Variants in DCHS2 observed in about 807,000 individuals in gnomAD.
DCHS2 encodes the protein dachsous cadherin-related 2, also known as protocadherin-23.
A neutral mutation model predicts 182.4 loss-of-function variants in DCHS2; 142 were observed. That is an observed-to-expected ratio of 0.78 (90% CI 0.68 to 0.89). The LOEUF (loss-of-function observed/expected upper bound fraction) is 0.89. Among genes scored for constraint, DCHS2 ranks in the 40% least tolerant of loss-of-function variants. The probability of loss-of-function intolerance (pLI) is 0.00; values close to 1 mark genes in which losing one functional copy is unlikely to be tolerated. For missense variants in DCHS2, 4,319 were observed against 4,198.6 expected (o/e 1.03, Z -0.79); for synonymous variants, 1,740 against 1,663.3 (o/e 1.05, Z -1.12).
At position 154,235,270 on chromosome 4, in the gene DCHS2, A is replaced by G. The variant is rs2111079646; in HGVS notation, c.9382T>C (p.Ser3128Pro). The change falls in exon 20 of 20, where the codon TCC becomes CCC. Residue 3128 changes from serine (S) to proline (P), a missense_variant. Physicochemically the swap from Ser to Pro is moderately conservative, Grantham distance 74 (BLOSUM62 -1). Coordinates refer to ENST00000357232, the MANE Select transcript of DCHS2 (RefSeq NM_001358235.2). ...CSDSALSDHE[S>P]RVPDSGIPRD... is the part of the protein sequence containing the mutation. ...GGGATACCCGAGTCTGGCACCCTGG[A>G]CTCGTGGTCACTCAGAGCTGAGTCT... The G allele has an allele frequency of 6.2e-7, 1 of 1,613,876 alleles. No homozygotes were observed. The highest frequency in any genetic ancestry group is 2.2e-5 in the East Asian group (1 of 44,846).
chr4:154,282,813 G>A (rs1452951001), intron 13 of DCHS2, among the ~76,000 whole-genome samples: 12 of 152,134 alleles, frequency 7.9e-5, no homozygotes, highest in African/African-American at 2.2e-4. Flanking sequence ...TAGCCAAAAC[G>A]TAGTATATAC....
At chr4:154,426,012 CT>C (rs1733309687) in intron 1 of DCHS2, among the ~76,000 whole-genome samples, 1 of 152,212 alleles carries the variant, frequency 6.6e-6, no homozygotes, top group Non-Finnish European at 1.5e-5. Context: ...TCGCCCTCCC[CT>C]GCCCTATTTT....
rs1734285929 is a variant in DCHS2, at chr4:154,446,390, G to A, written c.2052+42914C>T. ...AAGAGAAAGTCTTGCTTTACATAGA[G>A]TGAAGAAGGTAAAGCCTAGAGTCTG... On this transcript the variant is annotated intron_variant, in intron 1 of 19. Transcript: ENST00000357232. Among the ~76,000 whole-genome samples the A allele has an allele frequency of 2.0e-5, 3 of 152,222 alleles. No individual in the cohort carries two copies. The South Asian group carries it at 6.2e-4, about 31-fold the overall frequency.
Position 154,377,412 on chromosome 4 carries a change from A to G in DCHS2, c.2085T>C (p.Tyr695=). ...VTASDADSGL[Y]GFIEYSLYDG... The stretch of plus-strand genomic sequence containing the variant: ...CATAAAGAGAATATTCAATAAAGCC[A>G]TAGAGTCCTGAATCTGCATCAGAGG... The change falls in exon 2 of 20, where the codon TAT becomes TAC. Residue 695 remains tyrosine, a synonymous_variant. Coordinates refer to ENST00000357232, the MANE Select transcript of DCHS2 (RefSeq NM_001358235.2). 1 of 1,613,358 alleles carries G rather than the reference A, an allele frequency of 6.2e-7. No homozygotes were observed. The highest frequency in any genetic ancestry group is 8.5e-7 in the Non-Finnish European group (1 of 1,179,556).
rs571865251 is a variant in DCHS2 at position 154,321,004 on chromosome 4, C to A, written c.4395G>T (p.Lys1465Asn). ...DSSTGDLFLS[K>N]ELDYETTSHY... Reference sequence around the variant, plus strand: ...GAGATGTCGTCTCATAATCAAGTTCCTTAGAAAGAAACAAGTCTCCGGTTG... The same window carrying A: ...GAGATGTCGTCTCATAATCAAGTTCATTAGAAAGAAACAAGTCTCCGGTTG... The change falls in exon 9 of 20, where the codon AAG becomes AAT. Residue 1465 changes from lysine to asparagine, a missense_variant. Lys to Asn is a moderately conservative substitution (Grantham distance 94). Coordinates refer to ENST00000357232, the MANE Select transcript of DCHS2 (RefSeq NM_001358235.2). The A allele has an allele frequency of 6.2e-7, 1 of 1,613,938 alleles. No individual in the cohort carries two copies. Among genetic ancestry groups the A allele is most frequent in the East Asian group, 2.2e-5 (1 of 44,878 alleles).
chr4:154,433,790 G>T (rs1466376181), intron 1 of DCHS2, among the ~76,000 whole-genome samples: 2 of 152,152 alleles, frequency 1.3e-5, no homozygotes, highest in Non-Finnish European at 2.9e-5. Context: ...CAGTGGCCTC[G>T]CTGCTCTCAC....
At chr4:154,343,629 T>G in intron 3 of DCHS2, 2 of 1,498,320 alleles carry the variant, frequency 1.3e-6, no homozygotes, top group Middle Eastern at 1.7e-4. Flanking sequence ...TGCAGCTTCC[T>G]CATCTCTTTC....
Position 154,491,597 on chromosome 4 carries a change from T to C in DCHS2, c.-242A>G, listed in dbSNP as rs544564286. 23 of 1,338,924 alleles carry C rather than the reference T, an allele frequency of 1.7e-5. No individual in the cohort carries two copies. In the African/African-American group the frequency reaches 2.9e-4, roughly 17 times the overall value. 82.9% of individuals were successfully genotyped at this position (1,338,924 alleles called of 1,614,324 possible). ...CCTCTGCCGCGGCAGCCACCTCTTC[T>C]GCCCCTGGATTTCTTTAAACGAATC... On this transcript the variant is annotated 5_prime_UTR_variant, in exon 1 of 20. Coordinates refer to ENST00000357232, the MANE Select transcript of DCHS2 (RefSeq NM_001358235.2).
In DCHS2 at chr4:154,433,990, A is replaced by G. The variant is rs1247916069; in HGVS notation, c.2052+55314T>C. ...AAAAAAGAAACACAAAAATCTTGAC[A>G]AAGAGAAAGTGCATATGATGATAGA... On this transcript the variant is annotated intron_variant, in intron 1 of 19. Transcript: ENST00000357232. 3.3e-5 allele frequency among the ~76,000 whole-genome samples: 5 copies of G among 152,256 alleles called. No homozygotes were observed. The East Asian group carries it at 7.7e-4, about 23-fold the overall frequency.
chr4:154,430,212 G>T (rs988884855), intron 1 of DCHS2, among the ~76,000 whole-genome samples: 11 of 152,138 alleles, frequency 7.2e-5, no homozygotes, highest in Non-Finnish European at 1.3e-4. Context: ...AAAACCTGTT[G>T]TCATGTCAGT....
At chr4:154,254,346 A>T (rs1411902838) in intron 16 of DCHS2, among the ~76,000 whole-genome samples, 1 of 152,228 alleles carries the variant, frequency 6.6e-6, no homozygotes, top group Non-Finnish European at 1.5e-5. Flanking sequence ...TCAAACAGGC[A>T]TGCTGGATAA....
chr4:154,334,698 G>A (rs1250747803), intron 4 of DCHS2, 170 bp downstream of exon 4: 4 of 583,408 alleles, frequency 6.9e-6, no homozygotes, highest in Non-Finnish European at 1.2e-5. Context: ...ATTGTGGGAT[G>A]GACAGAAACA....
rs1035118750 is a variant in DCHS2, at chr4:154,333,094, G to A, written c.3114C>T (p.Asn1038=). The A allele has an allele frequency of 1.1e-5, 18 of 1,614,068 alleles. No homozygotes were observed. The highest frequency in any genetic ancestry group is 2.2e-5 in the East Asian group (1 of 44,870). The change falls in exon 5 of 20, where the codon AAC becomes AAT. Residue 1038 remains asparagine, a synonymous_variant. Coordinates refer to ENST00000357232, the MANE Select transcript of DCHS2 (RefSeq NM_001358235.2). Reference sequence around the variant, plus strand: ...GCTGCTCGCCCGCGCCCAGGCTGCCGTTGAGGAACAGCACCCCCAGGGCTC... The same window carrying A: ...GCTGCTCGCCCGCGCCCAGGCTGCCATTGAGGAACAGCACCCCCAGGGCTC... The part of the protein sequence containing the change: ...IDRALGVLFL[N]GSLGAGEQRE...
rs747051993 is a variant in DCHS2 at position 154,269,976 on chromosome 4, G to A, written c.6501C>T (p.Asp2167=). ...SIVTVKAFAP[D]SIQDSMKYSI... Reference sequence around the variant, plus strand: ...AATATTTCATGCTGTCCTGAATTGAGTCAGGAGCAAAAGCTTTAACAGTCA... The same window carrying A: ...AATATTTCATGCTGTCCTGAATTGAATCAGGAGCAAAAGCTTTAACAGTCA... The change falls in exon 14 of 20, where the codon GAC becomes GAT. Residue 2167 remains aspartate, a synonymous_variant. Coordinates refer to ENST00000357232, the MANE Select transcript of DCHS2 (RefSeq NM_001358235.2). 2.5e-6 allele frequency: 4 copies of A among 1,611,832 alleles called. No individual in the cohort carries two copies. Among genetic ancestry groups the A allele is most frequent in the Admixed American group, 1.7e-5 (1 of 59,676 alleles).
intron 1 of DCHS2, among the ~76,000 whole-genome samples, chr4:154,481,036 T>G (rs1488453635): frequency 6.6e-6 from 1 of 152,222 alleles, no homozygotes. Flanking sequence ...TTAAAAGTGG[T>G]ATACAAATAG....
rs553971553 is a variant in DCHS2 at position 154,278,166 on chromosome 4, A to T, written c.6464-8153T>A. Among the ~76,000 whole-genome samples the T allele has an allele frequency of 3.9e-5, 6 of 152,274 alleles. No individual in the cohort carries two copies. In the South Asian group the frequency reaches 1.2e-3, roughly 32 times the overall value. ...GTGAGAATATCAATAAAGAGATAGA[A>T]ACTAATTTAAAAAAACCCAGAAATT... On this transcript the variant is annotated intron_variant, in intron 13 of 19. Transcript: ENST00000357232.
rs188070615 is a variant in DCHS2 at position 154,233,942 on chromosome 4, G to T, written c.*594C>A. 3 of 152,090 alleles carry T rather than the reference G, an allele frequency of 2.0e-5. No individual in the cohort carries two copies. The highest frequency in any genetic ancestry group is 7.2e-5 in the African/African-American group (3 of 41,526). The allele number at this position is 152,090 out of a possible 1,614,324, so 9.4% of individuals were successfully genotyped here. A position where few individuals can be genotyped will look rare whatever the true frequency, so the allele number is the denominator to read the frequency against. ...AAATTTCCTTCTGAATTTTTTATTA[G>T]TTTTCCAAAAGACTCCACATTGAAA... On this transcript the variant is annotated 3_prime_UTR_variant, in exon 20 of 20. Coordinates refer to ENST00000357232, the MANE Select transcript of DCHS2 (RefSeq NM_001358235.2).
chr4:154,373,842 A>G, intron 2 of DCHS2: 1 of 1,200,834 alleles, frequency 8.3e-7, no homozygotes, highest in Non-Finnish European at 1.2e-6. Context: ...GGGAGAAGGA[A>G]AACTCGAAGC....
intron 10 of DCHS2, among the ~76,000 whole-genome samples, chr4:154,307,409 G>C (rs1031753395): frequency 1.3e-5 from 2 of 148,226 alleles, no homozygotes; most frequent in African/African-American, 2.5e-5. Context: ...ATGCACACCA[G>C]TGTGAATACA....
Sources: allele counts gnomAD v4.1 joint callset (sites outside exome capture counted in the v4.1 genomes callset), GRCh38; gene constraint gnomAD v4.1.1; transcripts MANE v1.5; gene names NCBI Gene and HGNC (gene_info 2026-07-23, HGNC 2026-07-21).